Variants in ESPN observed in about 807,000 individuals in gnomAD.
ESPN encodes the protein autosomal recessive deafness type 36 protein.
Under a neutral mutation model 77.7 loss-of-function variants are expected in ESPN, and 68 were observed. The observed-to-expected ratio is 0.87, with a 90% CI of 0.72 to 1.07. The LOEUF is 1.07. ESPN is among the 50% of genes least tolerant of loss of function. ESPN has a pLI of 0.00. For synonymous variants in ESPN, 449 were observed against 567.1 expected, an observed-to-expected ratio of 0.79 and a Z score of 2.96; for missense variants, 1,060 against 1,239.0, an observed-to-expected ratio of 0.86 and a Z score of 2.17.
At chr1:6,456,041 C>T in intron 10 of ESPN, 2 of 397,130 alleles carry the variant, frequency 5.0e-6, no homozygotes. Flanking sequence ...CCGCGCCTCC[C>T]CCGACCTCAG....
At position 6,448,865 on chromosome 1, in the gene ESPN, A is replaced by G. The variant is rs1201486900; in HGVS notation, c.1689A>G (p.Ser563=). The G allele has an allele frequency of 5.0e-5, 63 of 1,268,532 alleles. No individual in the cohort carries two copies. Among genetic ancestry groups the G allele is most frequent in the Non-Finnish European group, 6.0e-5 (61 of 1,012,884 alleles). The allele number at this position is 1,268,532 out of a possible 1,614,324, so 78.6% of individuals were successfully genotyped here. Residue 563 remains serine, a synonymous_variant, in exon 8 of 13, where the codon TCA becomes TCG. Coordinates refer to ENST00000645284, the MANE Select transcript of ESPN (RefSeq NM_031475.3). Reference sequence around the variant, plus strand: ...GCCTCGGCCCTGCCGCCCGCGGCTCACTCGAAGGCCCCTCCGCTCCCCCGC... The same window carrying G: ...GCCTCGGCCCTGCCGCCCGCGGCTCGCTCGAAGGCCCCTCCGCTCCCCCGC... ...CPRLGPAARG[S]LEGPSAPPQA...
At position 6,425,155 on chromosome 1, in the gene ESPN, C is replaced by CCCGCAACGGCG; in HGVS notation, c.203_213dup (p.Thr72AlafsTer53). The CCCGCAACGGCG allele has an allele frequency of 2.0e-6, 3 of 1,515,242 alleles. No individual in the cohort carries two copies. The highest frequency in any genetic ancestry group is 1.2e-5 in the South Asian group (1 of 82,118). 93.9% of individuals were successfully genotyped at this position (1,515,242 alleles called of 1,614,324 possible). On this transcript the variant is annotated frameshift_variant, in exon 1 of 13. Coordinates refer to ENST00000645284, the MANE Select transcript of ESPN (RefSeq NM_031475.3). LOFTEE classifies it high-confidence loss of function. ...GCCGCCCTCCCCGCCGCGGCCCGCG[C>CCCGCAACGGCG]CCGCAACGGCGCCACACCGGCCCAC...
intron 2 of ESPN, among the ~76,000 whole-genome samples, chr1:6,432,874 G>C (rs1018956496): frequency 1.4e-4 from 21 of 152,248 alleles, no homozygotes; most frequent in Non-Finnish European, 1.5e-5. Context: ...TGTAATCCCA[G>C]CACTTTGGGA....
rs752775093 is a variant in ESPN, at chr1:6,428,665, G to A, written c.488+246G>A. Among the ~76,000 whole-genome samples the A allele has an allele frequency of 2.0e-5, 3 of 152,166 alleles. No homozygotes were observed. The highest frequency in any genetic ancestry group is 6.5e-5 in the Admixed American group (1 of 15,282). On this transcript the variant is annotated intron_variant, in intron 2 of 12. Transcript: ENST00000645284. This position sits in a 1 kb window ranked among gnomAD's most constrained non-coding sequence, Gnocchi z 5.4. ...GTGCTCCCAGCATCCTCAGCTGCCC[G>A]GCCGCACACAGCTGGACCTGGGAGG...
chr1:6,439,375 T>G (rs1643540532), intron 2 of ESPN, among the ~76,000 whole-genome samples: 1 of 152,252 alleles, frequency 6.6e-6, no homozygotes, highest in East Asian at 1.9e-4. Flanking sequence ...TTGTGTGAAC[T>G]GCCTTTTGTC....
intron 6 of ESPN, 121 bp downstream of exon 6, chr1:6,444,803 G>A (rs968056691): frequency 3.2e-5 from 38 of 1,181,970 alleles, no homozygotes; most frequent in African/African-American, 7.6e-5. Context: ...CTCATCACTT[G>A]CTCTTAAACA....
chr1:6,442,824 C>T (rs1486530078), intron 5 of ESPN, among the ~76,000 whole-genome samples: 5 of 145,048 alleles, frequency 3.4e-5, no homozygotes, highest in Admixed American at 7.0e-5. Flanking sequence ...GCCGAGATCA[C>T]GCCACTGCAC....
chr1:6,448,308 G>A (rs1369947523), intron 7 of ESPN, among the ~76,000 whole-genome samples: 1 of 152,188 alleles, frequency 6.6e-6, no homozygotes, highest in Non-Finnish European at 1.5e-5. Flanking sequence ...GGCTAAGCTG[G>A]GAGGTGCCCC....
At chr1:6,429,647 T>C (rs1157740849) in intron 2 of ESPN, among the ~76,000 whole-genome samples, 2 of 152,242 alleles carry the variant, frequency 1.3e-5, no homozygotes, top group Non-Finnish European at 2.9e-5. Flanking sequence ...TGGAGGACGC[T>C]GAGCCCACCT....
chr1:6,447,722 G>A lies in ESPN; in HGVS notation c.1465-919G>A, dbSNP rs1041976342. ...ATGGCGATGGTTTCCAGATGCAGGA[G>A]GGGAAGGGTGGGGACGCGACCCGGA... On this transcript the variant is annotated intron_variant, in intron 7 of 12. Transcript: ENST00000645284. This position sits in a 1 kb window ranked among gnomAD's most constrained non-coding sequence, Gnocchi z 5.2. Among the ~76,000 whole-genome samples, 1 of 152,336 alleles carries A rather than the reference G, an allele frequency of 6.6e-6. No homozygotes were observed. The highest frequency in any genetic ancestry group is 1.9e-4 in the East Asian group (1 of 5,176).
In ESPN at chr1:6,448,861, G is replaced by C. The variant is rs1643897096; in HGVS notation, c.1685G>C (p.Gly562Ala). The C allele has an allele frequency of 7.9e-7, 1 of 1,265,976 alleles. No individual in the cohort carries two copies. The highest frequency in any genetic ancestry group is 2.9e-5 in the South Asian group (1 of 34,736). The allele number at this position is 1,265,976 out of a possible 1,614,324, so 78.4% of individuals were successfully genotyped here. ...GCPRLGPAAR[G>A]SLEGPSAPPQ... The stretch of plus-strand genomic sequence containing the variant: ...CCGCGCCTCGGCCCTGCCGCCCGCG[G>C]CTCACTCGAAGGCCCCTCCGCTCCC... The change falls in exon 8 of 13, where the codon GGC becomes GCC. Residue 562 changes from glycine (G) to alanine (A), a missense_variant. Around this residue, in one of 3 missense-constraint regions of ESPN, gnomAD observed 130 missense variants for 223.9 expected, o/e 0.58. Coordinates refer to ENST00000645284, the MANE Select transcript of ESPN (RefSeq NM_031475.3).
intron 1 of ESPN, 55 bp downstream of exon 1, chr1:6,425,304 C>G: frequency 6.5e-7 from 1 of 1,541,512 alleles, no homozygotes; most frequent in Non-Finnish European, 8.7e-7. Context: ...GGACAGAGTC[C>G]TGGCCCAGAG....
rs1044750121 is a variant in ESPN, at chr1:6,440,133, G to C, written c.489-121G>C. ...CCGGGCAGCAGCGGGCCGGTGACAG[G>C]GCCCTTTCCCACCCACTCTCCCTGC... On this transcript the variant is annotated intron_variant, in intron 2 of 12. Transcript: ENST00000645284. The C allele has an allele frequency of 8.1e-5, 87 of 1,072,486 alleles. No individual in the cohort carries two copies. The African/African-American group carries it at 1.2e-3, about 14-fold the overall frequency. The allele number at this position is 1,072,486 out of a possible 1,614,324, so 66.4% of individuals were successfully genotyped here. A position where few individuals can be genotyped will look rare whatever the true frequency, so the allele number is the denominator to read the frequency against.
chr1:6,453,440 G>C (rs1478968899), intron 10 of ESPN, among the ~76,000 whole-genome samples: 1 of 152,266 alleles, frequency 6.6e-6, no homozygotes, highest in African/African-American at 2.4e-5. Flanking sequence ...TGGGCTGGGG[G>C]GCGTGTTAGG....
chr1:6,461,213 G>C (rs1486654496), downstream of ESPN: 1 of 729,180 alleles, frequency 1.4e-6, no homozygotes, highest in Admixed American at 2.0e-5. This position sits in a 1 kb window ranked among gnomAD's most constrained non-coding sequence, Gnocchi z 6.3. Context: ...AACTCCGGCC[G>C]AGAAGTTGAG....
In ESPN at chr1:6,451,739, G is replaced by T. The variant is rs375162948; in HGVS notation, c.2052G>T (p.Pro684=). The T allele has an allele frequency of 1.2e-6, 2 of 1,612,258 alleles. No individual in the cohort carries two copies. The highest frequency in any genetic ancestry group is 2.7e-5 in the African/African-American group (2 of 74,942). ...LTTVFSGIGQ[P]AFQPDSPLPS... is the part of the protein sequence containing the mutation. Reference sequence around the variant, plus strand: ...CAGTGTTCTCAGGCATCGGGCAGCCGGCCTTCCAGGTAGGCGGGCCCAGCA... The same window carrying T: ...CAGTGTTCTCAGGCATCGGGCAGCCTGCCTTCCAGGTAGGCGGGCCCAGCA... Residue 684 remains proline (P), a synonymous_variant, in exon 9 of 13, where the codon CCG becomes CCT. Transcript: ENST00000645284. The surrounding 1 kb of genome is among the most constrained non-coding windows in gnomAD (Gnocchi z 4.3).
chr1:6,440,990 G>C lies in ESPN; in HGVS notation c.915G>C (p.Gly305=). The C allele has an allele frequency of 6.2e-7, 1 of 1,608,474 alleles. No homozygotes were observed. The change falls in exon 5 of 13, where the codon GGG becomes GGC. Residue 305 remains glycine, a synonymous_variant. Coordinates refer to ENST00000645284, the MANE Select transcript of ESPN (RefSeq NM_031475.3). The stretch of plus-strand genomic sequence containing the variant: ...AGCTGGACGTCCGCGACCGCGACGG[G>C]TACACGGCCGCCGACCTGTCGGACT... ...GAELDVRDRD[G]YTAADLSDFN...
Position 6,437,435 on chromosome 1 carries a change from C to A in ESPN, c.489-2819C>A, listed in dbSNP as rs899564641. On this transcript the variant is annotated intron_variant, in intron 2 of 12. Coordinates refer to ENST00000645284, the MANE Select transcript of ESPN (RefSeq NM_031475.3). This position sits in a 1 kb window ranked among gnomAD's most constrained non-coding sequence, Gnocchi z 4.5. ...CCCGGCACTCACTGTGCCTTGGTTACGGGGTGAATAATTTAGGCCGCTGAG... is the reference window on the plus strand; with the variant it reads ...CCCGGCACTCACTGTGCCTTGGTTAAGGGGTGAATAATTTAGGCCGCTGAG... 2 of 152,236 alleles carry A rather than the reference C, an allele frequency of 1.3e-5. No homozygotes were observed. The highest frequency in any genetic ancestry group is 1.3e-4 in the Admixed American group (2 of 15,280). 9.4% of individuals were successfully genotyped at this position (152,236 alleles called of 1,614,324 possible).
At chr1:6,445,630 C>A in intron 6 of ESPN, 34 bp from the exon 7 acceptor site, 1 of 1,606,400 alleles carries the variant, frequency 6.2e-7, no homozygotes, top group East Asian at 2.2e-5. Context: ...TGTCTGCATG[C>A]TCCCAAATCT....
Sources: allele counts gnomAD v4.1 joint callset (sites outside exome capture counted in the v4.1 genomes callset), GRCh38; gene constraint gnomAD v4.1.1; regional missense constraint gnomAD v4.1.1; non-coding constraint Gnocchi (gnomAD v3.1); transcripts MANE v1.5; gene names NCBI Gene and HGNC (gene_info 2026-07-23, HGNC 2026-07-21).